Variants in OPCML observed in about 807,000 individuals in gnomAD.
OPCML encodes opioid-binding protein/cell adhesion molecule.
Under a neutral mutation model 37.8 loss-of-function variants are expected in OPCML, and 13 were observed. The ratio of observed to expected loss-of-function variants is 0.34; its 90% confidence interval spans 0.22 to 0.55. OPCML has a LOEUF of 0.55. OPCML is among the 20% of genes least tolerant of loss of function. The probability of loss-of-function intolerance (pLI) is 0.91; values close to 1 mark genes in which losing one functional copy is unlikely to be tolerated. For synonymous variants in OPCML, 176 were observed against 168.8 expected (o/e 1.04, Z -0.33); for missense variants, 341 against 435.6 (o/e 0.78, Z 1.93).
intron 2 of OPCML, among the ~76,000 whole-genome samples, chr11:132,888,638 T>A (rs577847110): frequency 6.6e-6 from 1 of 152,074 alleles, no homozygotes; most frequent in Admixed American, 6.5e-5. Context: ...TTCGTTTGTT[T>A]GTTTGGCTTT....
At chr11:133,338,843 C>A (rs1943800137) in intron 1 of OPCML, among the ~76,000 whole-genome samples, 1 of 152,194 alleles carries the variant, frequency 6.6e-6, no homozygotes, top group South Asian at 2.1e-4. Context: ...TGTGTATCCT[C>A]CACATGTGAG....
At position 133,439,454 on chromosome 11, in the gene OPCML, GT is replaced by G. The variant is rs985366725; in HGVS notation, c.61+92809del. The G allele has an allele frequency of 4.1e-6, 4 of 984,334 alleles. No individual in the cohort carries two copies. The African/African-American group carries it at 7.0e-5, about 17-fold the overall frequency. The allele number at this position is 984,334 out of a possible 1,614,324, so 61.0% of individuals were successfully genotyped here. ...CAACCTAACTCTTTTTTGTTTTTTT[GT>G]TTTTCTTTGTTTTTGTTTTTTTTCT... On this transcript the variant is annotated intron_variant, in intron 1 of 7. Coordinates refer to ENST00000524381, the MANE Select transcript of OPCML (RefSeq NM_001012393.5).
chr11:132,804,036 T>A (rs1938847076), intron 2 of OPCML, among the ~76,000 whole-genome samples: 1 of 152,188 alleles, frequency 6.6e-6, no homozygotes, highest in Non-Finnish European at 1.5e-5. Context: ...TGTATTGGAA[T>A]AGACCTTGGC....
intron 3 of OPCML, among the ~76,000 whole-genome samples, chr11:132,654,193 C>G (rs1941579110): frequency 6.6e-6 from 1 of 152,186 alleles, no homozygotes; most frequent in East Asian, 1.9e-4. Context: ...ATTCAACTGT[C>G]TTCCAAAGAA....
intron 4 of OPCML, among the ~76,000 whole-genome samples, chr11:132,516,138 C>T (rs2096279155): frequency 6.6e-6 from 1 of 152,150 alleles, no homozygotes; most frequent in Non-Finnish European, 1.5e-5. Flanking sequence ...GAAGCCTAAA[C>T]TAGGATAGCC....
chr11:133,382,289 A>G (rs60670383), intron 1 of OPCML, among the ~76,000 whole-genome samples: 24,420 of 152,168 alleles, frequency 0.16, 2,120 homozygotes, highest in African/African-American at 0.21. Flanking sequence ...AGTCAGGCAA[A>G]AGGTTAGGCA....
At chr11:132,622,936 A>C (rs1661271012) in intron 3 of OPCML, among the ~76,000 whole-genome samples, 1 of 152,178 alleles carries the variant, frequency 6.6e-6, no homozygotes. Flanking sequence ...AACTCATCGT[A>C]TCTCTTTGAC....
Position 133,099,973 on chromosome 11 carries a change from T to A in OPCML, c.62-156963A>T, listed in dbSNP as rs183287276. Among the ~76,000 whole-genome samples the A allele has an allele frequency of 2.0e-5, 3 of 152,304 alleles. No homozygotes were observed. In the East Asian group the frequency reaches 5.8e-4, roughly 29 times the overall value. On this transcript the variant is annotated intron_variant, in intron 1 of 7. Transcript: ENST00000524381. ...AAGAAAATATGGTACATATATACCA[T>A]GGAATACTATGCAGCCATAAATAGA...
At chr11:132,881,658 G>A (rs1943230165) in intron 2 of OPCML, among the ~76,000 whole-genome samples, 2 of 152,070 alleles carry the variant, frequency 1.3e-5, no homozygotes, top group Admixed American at 1.3e-4. Context: ...GCCGTCTTCA[G>A]AAAACAAAAA....
At position 133,264,768 on chromosome 11, in the gene OPCML, T is replaced by TA. The variant is rs5795834; in HGVS notation, c.61+267495dup. The stretch of plus-strand genomic sequence containing the variant: ...GAAAAATACACACAGCGGTTTTTAA[T>TA]AAAAAAAAAAAGTACGTGGTTATAC... On this transcript the variant is annotated intron_variant, in intron 1 of 7. Coordinates refer to ENST00000524381, the MANE Select transcript of OPCML (RefSeq NM_001012393.5). Among the ~76,000 whole-genome samples the TA allele has an allele frequency of 4.2e-3, 634 of 149,756 alleles. 1 individual carries two copies. Among genetic ancestry groups the TA allele is most frequent in the African/African-American group, 0.012 (490 of 40,776 alleles).
intron 4 of OPCML, among the ~76,000 whole-genome samples, chr11:132,516,889 G>A (rs968800179): frequency 6.6e-6 from 1 of 152,140 alleles, no homozygotes; most frequent in African/African-American, 2.4e-5. Context: ...GACTCTAGCT[G>A]ATTTAGATGT....
At chr11:133,124,736 A>G (rs909106545) in intron 1 of OPCML, among the ~76,000 whole-genome samples, 2 of 152,034 alleles carry the variant, frequency 1.3e-5, no homozygotes, top group Non-Finnish European at 2.9e-5. Context: ...TCTGATTTGG[A>G]TCCTCAAAAT....
At chr11:132,840,648 A>G (rs1941246964) in intron 2 of OPCML, among the ~76,000 whole-genome samples, 1 of 152,222 alleles carries the variant, frequency 6.6e-6, no homozygotes, top group Non-Finnish European at 1.5e-5. Context: ...TATTATCACA[A>G]GGTTGCTCAA....
At chr11:133,373,549 T>C (rs1476872219) in intron 1 of OPCML, among the ~76,000 whole-genome samples, 2 of 149,816 alleles carry the variant, frequency 1.3e-5, no homozygotes, top group African/African-American at 4.9e-5. Flanking sequence ...CACCTGAGCC[T>C]GGGAGGTGGA....
chr11:133,428,308 C>T (rs566346444), intron 1 of OPCML, among the ~76,000 whole-genome samples: 5 of 152,212 alleles, frequency 3.3e-5, no homozygotes, highest in South Asian at 2.1e-4. Context: ...AAACCAGCAG[C>T]GTGAACAAGG....
intron 1 of OPCML, among the ~76,000 whole-genome samples, chr11:133,028,144 ATTT>A (rs1947599075): frequency 6.6e-6 from 1 of 151,482 alleles, no homozygotes; most frequent in Non-Finnish European, 1.5e-5. Flanking sequence ...CTTTCTTTTT[ATTT>A]TCTGCCACTT....
At chr11:132,675,181 G>GTATA (rs10602904) in intron 2 of OPCML, among the ~76,000 whole-genome samples, 2 of 143,580 alleles carry the variant, frequency 1.4e-5, no homozygotes, top group Non-Finnish European at 3.0e-5. Context: ...GTGTGTGTGT[G>GTATA]TATATATATA....
At chr11:132,518,357 G>T (rs918145349) in intron 4 of OPCML, among the ~76,000 whole-genome samples, 1 of 152,112 alleles carries the variant, frequency 6.6e-6, no homozygotes, top group African/African-American at 2.4e-5. Context: ...TTAGTTTGCT[G>T]AGGATGATGG....
intron 2 of OPCML, among the ~76,000 whole-genome samples, chr11:132,802,863 T>C (rs1938754919): frequency 6.6e-6 from 1 of 152,212 alleles, no homozygotes; most frequent in Admixed American, 6.5e-5. Flanking sequence ...AAGGGGTCTT[T>C]GAAGCAATTT....
Sources: allele counts gnomAD v4.1 joint callset (sites outside exome capture counted in the v4.1 genomes callset), GRCh38; gene constraint gnomAD v4.1.1; transcripts MANE v1.5; gene names NCBI Gene and HGNC (gene_info 2026-07-23, HGNC 2026-07-21).